The following BABAM2 variants were observed in gnomAD, a reference collection of about 807,000 sequenced individuals.
The protein encoded by BABAM2 is BRISC and BRCA1-A complex member 2.
Under a neutral mutation model 54.7 loss-of-function variants are expected in BABAM2, and 31 were observed. That is an observed-to-expected ratio of 0.57 (90% CI 0.43 to 0.77). The LOEUF (loss-of-function observed/expected upper bound fraction) is 0.77. Among genes scored for constraint, BABAM2 ranks in the 30% least tolerant of loss-of-function variants. The pLI is 0.00. For missense variants in BABAM2, 364 were observed against 455.8 expected, an observed-to-expected ratio of 0.80 and a Z score of 1.83; for synonymous variants, 167 against 162.9, an observed-to-expected ratio of 1.03 and a Z score of -0.19.
intron 3 of BABAM2, among the ~76,000 whole-genome samples, chr2:27,970,520 A>G (rs1671134049): frequency 6.6e-6 from 1 of 152,162 alleles, no homozygotes; most frequent in South Asian, 2.1e-4. Context: ...GAGTCATTTT[A>G]AAGTAAGTTG....
In BABAM2 at chr2:28,137,990, G is replaced by A. The variant is rs201878504; in HGVS notation, c.680+8610G>A. On this transcript the variant is annotated intron_variant, in intron 7 of 11. Transcript: ENST00000379624. ...CTGCAAAACATCTCAAGGGTTTTGTGCAGATTTTTTTTCTGCCGTGAAGAT... is the reference window on the plus strand; with the variant it reads ...CTGCAAAACATCTCAAGGGTTTTGTACAGATTTTTTTTCTGCCGTGAAGAT... Among the ~76,000 whole-genome samples the A allele has an allele frequency of 4.6e-5, 7 of 152,088 alleles. No homozygotes were observed. The East Asian group carries it at 1.3e-3, about 29-fold the overall frequency.
chr2:28,213,379 T>C (rs1383210471), intron 7 of BABAM2, among the ~76,000 whole-genome samples: 1 of 152,182 alleles, frequency 6.6e-6, no homozygotes, highest in Non-Finnish European at 1.5e-5. Flanking sequence ...GCATAAGAAA[T>C]AGAGGCGTTT....
intron 6 of BABAM2, among the ~76,000 whole-genome samples, chr2:28,057,663 A>C (rs751945350): frequency 6.6e-6 from 1 of 152,196 alleles, no homozygotes; most frequent in Non-Finnish European, 1.5e-5. Flanking sequence ...ATAAAGGTAA[A>C]AGCTGATTAA....
chr2:28,285,693 T>A (rs189619100), intron 10 of BABAM2, among the ~76,000 whole-genome samples: 2 of 152,188 alleles, frequency 1.3e-5, no homozygotes, highest in East Asian at 3.9e-4. Flanking sequence ...TATCAAGCCT[T>A]CCACTCAGCA....
chr2:28,175,833 A>C (rs1487584476), intron 7 of BABAM2, among the ~76,000 whole-genome samples: 1 of 152,166 alleles, frequency 6.6e-6, no homozygotes, highest in Non-Finnish European at 1.5e-5. Context: ...CCAGGGGCCC[A>C]AGGATAGATA....
At chr2:28,095,434 T>C (rs1257850890) in intron 6 of BABAM2, among the ~76,000 whole-genome samples, 3 of 152,218 alleles carry the variant, frequency 2.0e-5, no homozygotes, top group African/African-American at 4.8e-5. Flanking sequence ...CCATTGTAGG[T>C]CTAATACCTA....
At position 27,987,971 on chromosome 2, in the gene BABAM2, C is replaced by T. The variant is rs780337550; in HGVS notation, c.206-22C>T. ...TACTTAGAAAGGAAATAAAAAGGAC[C>T]TGTCATTTTCTTTTATTTCAGGGGA... On this transcript the variant is annotated intron_variant, in intron 3 of 11. Transcript: ENST00000379624. The T allele has an allele frequency of 3.2e-6, 5 of 1,560,332 alleles. No individual in the cohort carries two copies. In the Admixed American group the frequency reaches 6.7e-5, roughly 21 times the overall value.
intron 7 of BABAM2, among the ~76,000 whole-genome samples, chr2:28,162,896 G>A (rs1673238191): frequency 6.6e-6 from 1 of 152,264 alleles, no homozygotes; most frequent in South Asian, 2.1e-4. Context: ...TAGGCCTCTA[G>A]TGACAAAGAC....
intron 7 of BABAM2, among the ~76,000 whole-genome samples, chr2:28,145,849 G>C (rs1671447544): frequency 6.6e-6 from 1 of 152,092 alleles, no homozygotes; most frequent in Non-Finnish European, 1.5e-5. Flanking sequence ...TTTTGTGACT[G>C]ACTTCTTTTT....
At chr2:28,298,983 A>C (rs995065849) in intron 11 of BABAM2, among the ~76,000 whole-genome samples, 1 of 152,218 alleles carries the variant, frequency 6.6e-6, no homozygotes, top group African/African-American at 2.4e-5. Flanking sequence ...TTTTTAAAAA[A>C]TGGAAAATTT....
rs191776496 is a variant in BABAM2, at chr2:27,917,011, A to G, written c.129-12821A>G. 1.4e-4 allele frequency among the ~76,000 whole-genome samples: 19 copies of G among 134,038 alleles called. 1 individual carries two copies. The highest frequency in any genetic ancestry group is 3.2e-4 in the Admixed American group (4 of 12,590). The allele number at this position is 134,038 out of a possible 152,430, so 87.9% of individuals were successfully genotyped here. On this transcript the variant is annotated intron_variant, in intron 2 of 11. Coordinates refer to ENST00000379624, the MANE Select transcript of BABAM2 (RefSeq NM_199191.3). Reference sequence around the variant, plus strand: ...TAACTCTTATAGCAATAATCACTCCAAACTTTTTTTTTTTTTTTTTTTTTT... The same window carrying G: ...TAACTCTTATAGCAATAATCACTCCGAACTTTTTTTTTTTTTTTTTTTTTT...
At chr2:28,118,767 A>G (rs140599723) in intron 6 of BABAM2, among the ~76,000 whole-genome samples, 3,058 of 152,168 alleles carry the variant, frequency 0.02, 109 homozygotes, top group African/African-American at 0.07. Flanking sequence ...CTTTTGTTGC[A>G]ATTGCTTTTG....
intron 2 of BABAM2, among the ~76,000 whole-genome samples, chr2:27,904,335 A>G (rs570282838): frequency 4.1e-4 from 63 of 152,218 alleles, no homozygotes; most frequent in Non-Finnish European, 7.3e-4. Context: ...TTAAATTTGC[A>G]TACTTCTTGG....
chr2:28,108,846 A>G (rs1369155359), intron 6 of BABAM2, among the ~76,000 whole-genome samples: 2 of 152,124 alleles, frequency 1.3e-5, no homozygotes, highest in African/African-American at 4.8e-5. Context: ...AAAAAAAAAC[A>G]TTGATGCAGG....
chr2:28,254,425 C>T (rs780433550), intron 10 of BABAM2, among the ~76,000 whole-genome samples: 1 of 152,112 alleles, frequency 6.6e-6, no homozygotes. Context: ...GCATGAGCCG[C>T]CACGCCCATG....
At chr2:28,172,435 A>G (rs1674450870) in intron 7 of BABAM2, among the ~76,000 whole-genome samples, 1 of 152,190 alleles carries the variant, frequency 6.6e-6, no homozygotes, top group Non-Finnish European at 1.5e-5. Flanking sequence ...TCCTGCGTGT[A>G]TCTACTTTCT....
At chr2:28,179,427 C>T (rs7583175) in intron 7 of BABAM2, among the ~76,000 whole-genome samples, 15,085 of 152,182 alleles carry the variant, frequency 0.099, 794 homozygotes, top group Admixed American at 0.11. Context: ...GGATAAAACT[C>T]GACGTTCCTT....
chr2:28,318,387 G>C (rs1689746415), intron 11 of BABAM2, among the ~76,000 whole-genome samples: 1 of 152,228 alleles, frequency 6.6e-6, no homozygotes, highest in Non-Finnish European at 1.5e-5. Flanking sequence ...TCCAAGGCCA[G>C]AGTTGAATTG....
intron 10 of BABAM2, among the ~76,000 whole-genome samples, chr2:28,251,554 G>A (rs1340313514): frequency 6.6e-6 from 1 of 152,162 alleles, no homozygotes; most frequent in Non-Finnish European, 1.5e-5. Context: ...CCTGAGCTAA[G>A]CGAGGTAGAC....
Sources: allele counts gnomAD v4.1 joint callset (sites outside exome capture counted in the v4.1 genomes callset), GRCh38; gene constraint gnomAD v4.1.1; transcripts MANE v1.5; gene names NCBI Gene and HGNC (gene_info 2026-07-23, HGNC 2026-07-21).